The following HMCN1 variants were observed in gnomAD, a reference collection of about 807,000 sequenced individuals.
HMCN1 encodes the protein hemicentin 1.
Under a neutral mutation model 625.9 loss-of-function variants are expected in HMCN1, and 321 were observed. The observed-to-expected ratio is 0.51, with a 90% CI of 0.47 to 0.56. HMCN1 has a LOEUF of 0.56. Ranked by LOEUF, HMCN1 falls within the 20% of genes least tolerant of loss-of-function variation. HMCN1 has a pLI of 0.00. For missense variants in HMCN1, 6,588 were observed against 6,887.3 expected (o/e 0.96, Z 1.54); for synonymous variants, 2,425 against 2,417.6 (o/e 1.00, Z -0.09).
chr1:185,874,352 A>G (rs1305614036), intron 4 of HMCN1, among the ~76,000 whole-genome samples: 1 of 152,198 alleles, frequency 6.6e-6, no homozygotes. Context: ...CTGATTCTGC[A>G]ATAGCAAAGG....
chr1:185,967,946 T>A (rs1179344618), intron 14 of HMCN1, among the ~76,000 whole-genome samples: 1 of 152,206 alleles, frequency 6.6e-6, no homozygotes, highest in African/African-American at 2.4e-5. Flanking sequence ...AATGCTCTCT[T>A]AAATTTTAGA....
Position 185,737,283 on chromosome 1 carries a change from T to A in HMCN1, c.268+2236T>A, listed in dbSNP as rs569543349. The stretch of plus-strand genomic sequence containing the variant: ...AGTCCTCTCACTTCAGCCTCCCGAG[T>A]AGCTGGGACAACAGGCACATGCCAC... On this transcript the variant is annotated intron_variant, in intron 1 of 106. Coordinates refer to ENST00000271588, the MANE Select transcript of HMCN1 (RefSeq NM_031935.3). Among the ~76,000 whole-genome samples, 126 of 152,110 alleles carry A rather than the reference T, an allele frequency of 8.3e-4. 1 individual carries two copies. Among genetic ancestry groups the A allele is most frequent in the Admixed American group, 3.2e-3 (49 of 15,274 alleles).
At chr1:185,897,906 A>C (rs978653786) in intron 4 of HMCN1, among the ~76,000 whole-genome samples, 12 of 152,208 alleles carry the variant, frequency 7.9e-5, no homozygotes, top group African/African-American at 2.9e-4. Flanking sequence ...ATGCATGTTA[A>C]AGATTGCAGG....
intron 103 of HMCN1, chr1:186,177,035 TGG>T (rs1652633113): frequency 6.9e-6 from 1 of 145,082 alleles, no homozygotes; most frequent in African/African-American, 2.8e-5. Flanking sequence ...CTGGGCGTGG[TGG>T]GACACACCTG....
chr1:185,807,400 G>T (rs1213278972), intron 1 of HMCN1, among the ~76,000 whole-genome samples: 1 of 152,122 alleles, frequency 6.6e-6, no homozygotes, highest in African/African-American at 2.4e-5. Context: ...GAATAAATCT[G>T]ATTGAGGAAA....
intron 2 of HMCN1, among the ~76,000 whole-genome samples, chr1:185,857,583 GGT>G (rs1165852921): frequency 3.3e-5 from 5 of 151,936 alleles, no homozygotes; most frequent in Non-Finnish European, 7.4e-5. Context: ...GACAGAGAGG[GGT>G]GTGGGGGAGA....
In HMCN1 at chr1:185,982,256, A is replaced by T. The variant is rs376950753; in HGVS notation, c.2663-6A>T. The T allele has an allele frequency of 3.7e-6, 6 of 1,613,678 alleles. No homozygotes were observed. The highest frequency in any genetic ancestry group is 5.1e-6 in the Non-Finnish European group (6 of 1,179,802). On this transcript the variant is annotated splice_polypyrimidine_tract_variant and splice_region_variant and intron_variant, in intron 17 of 106. Transcript: ENST00000271588. ...TTGAAAGTGCCTGTGCTCTCTCTTG[A>T]TTTAGTTGCTCCACTTATTGGAATC...
chr1:186,171,212 A>C, intron 100 of HMCN1, 125 bp from the exon 101 acceptor site: 1 of 723,750 alleles, frequency 1.4e-6, no homozygotes, highest in East Asian at 2.7e-5. Flanking sequence ...TGAGTGCAAT[A>C]TATTGGATAG....
At chr1:185,951,170 C>G (rs2102532329) in intron 11 of HMCN1, among the ~76,000 whole-genome samples, 1 of 151,036 alleles carries the variant, frequency 6.6e-6, no homozygotes, top group Admixed American at 6.6e-5. Context: ...GAGGAGGACG[C>G]AAAGGAGGCT....
chr1:186,148,229 G>A (rs1650446315), intron 93 of HMCN1, among the ~76,000 whole-genome samples: 1 of 152,142 alleles, frequency 6.6e-6, no homozygotes, highest in Non-Finnish European at 1.5e-5. Flanking sequence ...TCATAAGATT[G>A]TAGCAATTCA....
At chr1:185,735,144 AT>A in intron 1 of HMCN1, 97 bp downstream of exon 1, 1 of 1,377,546 alleles carries the variant, frequency 7.3e-7, no homozygotes, top group Non-Finnish European at 1.0e-6. Flanking sequence ...TTTCAAAACC[AT>A]TTTAAAAAAA....
At chr1:185,839,663 C>T (rs1377528052) in intron 1 of HMCN1, among the ~76,000 whole-genome samples, 4 of 152,296 alleles carry the variant, frequency 2.6e-5, no homozygotes, top group Admixed American at 2.6e-4. Flanking sequence ...CTATATACCT[C>T]AAAGCCCTGT....
intron 41 of HMCN1, among the ~76,000 whole-genome samples, chr1:186,048,176 C>T (rs1457573916): frequency 6.6e-6 from 1 of 152,124 alleles, no homozygotes; most frequent in Non-Finnish European, 1.5e-5. Flanking sequence ...GTTGTAATAA[C>T]TGCAGATGGT....
intron 1 of HMCN1, among the ~76,000 whole-genome samples, chr1:185,835,537 A>C (rs190441487): frequency 1.4e-3 from 216 of 152,190 alleles, no homozygotes; most frequent in Non-Finnish European, 2.7e-3. Context: ...GAGAAGATTC[A>C]GACTGGAACA....
At chr1:185,951,417 C>T (rs931462010) in intron 11 of HMCN1, among the ~76,000 whole-genome samples, 2 of 151,026 alleles carry the variant, frequency 1.3e-5, no homozygotes, top group African/African-American at 2.4e-5. Flanking sequence ...GGAAACGGGC[C>T]CTTGAAAAGA....
At chr1:186,157,024 G>A (rs940462694) in intron 97 of HMCN1, among the ~76,000 whole-genome samples, 1 of 152,084 alleles carries the variant, frequency 6.6e-6, no homozygotes, top group African/African-American at 2.4e-5. Flanking sequence ...AGATACCCAG[G>A]TCTCTTTCTT....
chr1:185,923,335 A>G (rs1667091405), intron 7 of HMCN1, 55 bp from the exon 8 acceptor site: 3 of 1,324,964 alleles, frequency 2.3e-6, no homozygotes, highest in African/African-American at 1.4e-5. Context: ...CTTATTTGAT[A>G]TATAACTTCA....
intron 86 of HMCN1, among the ~76,000 whole-genome samples, chr1:186,133,277 G>A (rs1490979570): frequency 2.6e-5 from 4 of 152,154 alleles, no homozygotes; most frequent in Non-Finnish European, 4.4e-5. Context: ...ATTCCAACAT[G>A]CTTAAAAAGA....
At chr1:186,012,258 C>T (rs2102118913) in intron 30 of HMCN1, among the ~76,000 whole-genome samples, 1 of 151,310 alleles carries the variant, frequency 6.6e-6, no homozygotes, top group Middle Eastern at 3.4e-3. Flanking sequence ...ATATTTTTAC[C>T]AACATCAATT....
Sources: allele counts gnomAD v4.1 joint callset (sites outside exome capture counted in the v4.1 genomes callset), GRCh38; gene constraint gnomAD v4.1.1; transcripts MANE v1.5; gene names NCBI Gene and HGNC (gene_info 2026-07-23, HGNC 2026-07-21).